Variants in MYH11 observed in about 807,000 individuals in gnomAD.
The protein encoded by MYH11 is myosin heavy chain 11, also known as myosin-11.
MYH11 carries 80 observed loss-of-function variants against 246.6 expected under a neutral mutation model. That is an observed-to-expected ratio of 0.32 (90% CI 0.27 to 0.39). The LOEUF is 0.39. MYH11 is among the 10% of genes least tolerant of loss of function. The pLI is 1.00. For synonymous variants in MYH11, 1,071 were observed against 1,015.5 expected (o/e 1.05, Z -1.04); for missense variants, 2,158 against 2,546.8 (o/e 0.85, Z 3.29).
chr16:15,723,951 A>G (rs2040613684), intron 31 of MYH11, among the ~76,000 whole-genome samples: 1 of 152,244 alleles, frequency 6.6e-6, no homozygotes, highest in Admixed American at 6.5e-5. Context: ...GAAAAGTCAC[A>G]GTCATCAAGG....
At chr16:15,736,006 C>T (rs1374900743) in intron 25 of MYH11, among the ~76,000 whole-genome samples, 1 of 152,216 alleles carries the variant, frequency 6.6e-6, no homozygotes, top group African/African-American at 2.4e-5. Context: ...ATTTGGCCAG[C>T]CACTGCTTGC....
intron 3 of MYH11, among the ~76,000 whole-genome samples, chr16:15,818,147 A>G (rs1302257446): frequency 6.6e-6 from 1 of 152,078 alleles, no homozygotes; most frequent in Non-Finnish European, 1.5e-5. Flanking sequence ...TCCCTCCTCA[A>G]TCCCGCCTTT....
intron 34 of MYH11, 95 bp from the exon 35 acceptor site, chr16:15,719,808 C>T (rs541844258): frequency 1.3e-6 from 2 of 1,545,158 alleles, no homozygotes; most frequent in South Asian, 1.1e-5. Context: ...CTTGGATTTT[C>T]TGCAGTTGAC....
Position 15,704,024 on chromosome 16 carries a change from G to T in MYH11, c.5886C>A (p.Asp1962Glu). The change falls in exon 41 of 41, where the codon GAC becomes GAA. Residue 1962 changes from aspartate to glutamate, a missense_variant. Asp to Glu is a conservative substitution (Grantham distance 45). This residue lies in a region of MYH11 where 1,013 missense variants were observed against 993.5 expected (regional missense o/e 1.02). Coordinates refer to ENST00000300036, the MANE Select transcript of MYH11 (RefSeq NM_002474.3). ...DGSEEETDTR[D>E]ADFNGTKASE is the part of the protein sequence containing the mutation. ...TGGCCTTGGTTCCATTGAAGTCTGC[G>T]TCTCGAGTGTCCGTTTCCTCCTCAG... 1 of 1,614,032 alleles carries T rather than the reference G, an allele frequency of 6.2e-7. No homozygotes were observed. Among genetic ancestry groups the T allele is most frequent in the Non-Finnish European group, 8.5e-7 (1 of 1,180,006 alleles).
intron 9 of MYH11, among the ~76,000 whole-genome samples, chr16:15,768,780 G>A (rs2042036312): frequency 6.6e-6 from 1 of 152,070 alleles, no homozygotes; most frequent in Non-Finnish European, 1.5e-5. Flanking sequence ...CTAGATGCTT[G>A]GGGCTGCCGA....
intron 34 of MYH11, 73 bp downstream of exon 34, chr16:15,720,078 C>G: frequency 6.2e-7 from 1 of 1,602,926 alleles, no homozygotes. Context: ...GGAGCCCGCT[C>G]TGCTGACTTC....
chr16:15,844,841 C>T (rs1356116164), intron 1 of MYH11, among the ~76,000 whole-genome samples: 3 of 152,072 alleles, frequency 2.0e-5, no homozygotes, highest in Non-Finnish European at 4.4e-5. Context: ...CAGGGTGAGA[C>T]CCTGTCTCAA....
chr16:15,852,421 C>G (rs922424819), intron 1 of MYH11, among the ~76,000 whole-genome samples: 4 of 147,508 alleles, frequency 2.7e-5, no homozygotes, highest in Non-Finnish European at 6.0e-5. Context: ...CAACCTCTGC[C>G]TCTGAGGCTC....
At chr16:15,708,721 T>G in intron 40 of MYH11, 2 of 1,415,944 alleles carry the variant, frequency 1.4e-6, no homozygotes, top group Non-Finnish European at 2.0e-6. Flanking sequence ...GTTTAAAAAT[T>G]GGGGTGGGCA....
At position 15,817,110 on chromosome 16, in the gene MYH11, T is replaced by C. The variant is rs571731704; in HGVS notation, c.502+6145A>G. On this transcript the variant is annotated intron_variant, in intron 3 of 40. Coordinates refer to ENST00000300036, the MANE Select transcript of MYH11 (RefSeq NM_002474.3). Reference sequence around the variant, plus strand: ...AAACCTCATACACTAGAAACCATAATTGTCTCTTGGGAGGGAAGCTAAGGG... The same window carrying C: ...AAACCTCATACACTAGAAACCATAACTGTCTCTTGGGAGGGAAGCTAAGGG... 2.6e-5 allele frequency among the ~76,000 whole-genome samples: 4 copies of C among 152,280 alleles called. No individual in the cohort carries two copies. In the East Asian group the frequency reaches 5.8e-4, roughly 22 times the overall value.
At chr16:15,725,769 A>T (rs956219349) in intron 28 of MYH11, 1 of 398,650 alleles carries the variant, frequency 2.5e-6, no homozygotes, top group Non-Finnish European at 4.4e-6. Context: ...CATGAGTGGC[A>T]AGGCAGGGTA....
intron 9 of MYH11, among the ~76,000 whole-genome samples, chr16:15,765,085 T>C (rs1019447241): frequency 6.6e-6 from 1 of 152,202 alleles, no homozygotes; most frequent in African/African-American, 2.4e-5. Flanking sequence ...CCAAAGCCTA[T>C]TCCAAGGTCC....
rs140956234 is a variant in MYH11, at chr16:15,719,594, C to T, written c.5073G>A (p.Gln1691=). The T allele has an allele frequency of 6.2e-7, 1 of 1,614,072 alleles. No individual in the cohort carries two copies. The highest frequency in any genetic ancestry group is 1.3e-5 in the African/African-American group (1 of 74,942). ...KAKSLEADLM[Q]LQEDLAAAER... ...CAAGGCGAGGCTTTACCTCTTGTAGCTGCATGAGGTCTGCTTCCAAGCTCT... is the reference window on the plus strand; with the variant it reads ...CAAGGCGAGGCTTTACCTCTTGTAGTTGCATGAGGTCTGCTTCCAAGCTCT... Residue 1691 remains glutamine, a synonymous_variant, in exon 35 of 41, where the codon CAG becomes CAA. Transcript: ENST00000300036.
intron 1 of MYH11, among the ~76,000 whole-genome samples, chr16:15,848,702 G>T (rs140117377): frequency 1.1e-3 from 165 of 152,262 alleles, no homozygotes; most frequent in African/African-American, 3.8e-3. Flanking sequence ...ACTGCTAGAT[G>T]TCCCCTGGGG....
intron 1 of MYH11, among the ~76,000 whole-genome samples, chr16:15,841,121 T>C (rs2044040838): frequency 6.6e-6 from 1 of 152,194 alleles, no homozygotes; most frequent in Admixed American, 6.5e-5. Flanking sequence ...TATATTTAAA[T>C]GCATTTGTTC....
intron 8 of MYH11, 97 bp downstream of exon 8, chr16:15,775,981 G>A: frequency 2.2e-6 from 2 of 892,338 alleles, no homozygotes; most frequent in Non-Finnish European, 3.8e-6. Context: ...TTTCTGGCAG[G>A]ATCTGAGACT....
rs182678149 is a variant in MYH11, at chr16:15,814,499, G to C, written c.502+8756C>G. 3.1e-3 allele frequency among the ~76,000 whole-genome samples: 398 copies of C among 129,956 alleles called. 1 individual carries two copies. Among genetic ancestry groups the C allele is most frequent in the African/African-American group, 7.8e-3 (276 of 35,454 alleles). 85.3% of individuals were successfully genotyped at this position (129,956 alleles called of 152,430 possible). A position where few individuals can be genotyped will look rare whatever the true frequency, so the allele number is the denominator to read the frequency against. ...ACCCGGGAGGTGGAGGTTGCAGTGAGCCAAGATCATGCCATTGCACTCCAG... is the reference window on the plus strand; with the variant it reads ...ACCCGGGAGGTGGAGGTTGCAGTGACCCAAGATCATGCCATTGCACTCCAG... On this transcript the variant is annotated intron_variant, in intron 3 of 40. Transcript: ENST00000300036.
chr16:15,755,131 A>G (rs771526560), intron 14 of MYH11, among the ~76,000 whole-genome samples: 9 of 152,232 alleles, frequency 5.9e-5, no homozygotes, highest in Non-Finnish European at 1.3e-4. Context: ...CTCTGTTGCC[A>G]GGCCCTGGTA....
At chr16:15,740,622 A>AT (rs1270104649) in intron 22 of MYH11, among the ~76,000 whole-genome samples, 66 of 151,982 alleles carry the variant, frequency 4.3e-4, no homozygotes, top group Non-Finnish European at 8.7e-4. Context: ...AAAAAAAAAA[A>AT]AAAATAAAGA....
Sources: allele counts gnomAD v4.1 joint callset (sites outside exome capture counted in the v4.1 genomes callset), GRCh38; gene constraint gnomAD v4.1.1; regional missense constraint gnomAD v4.1.1; transcripts MANE v1.5; gene names NCBI Gene and HGNC (gene_info 2026-07-23, HGNC 2026-07-21).